The following TIMP2 variants were observed in gnomAD, a reference collection of about 807,000 sequenced individuals.
TIMP2 encodes TIMP metallopeptidase inhibitor 2, also known as metalloproteinase inhibitor 2.
Under a neutral mutation model 24.3 loss-of-function variants are expected in TIMP2, and 5 were observed. The ratio of observed to expected loss-of-function variants is 0.21; its 90% confidence interval spans 0.11 to 0.43. TIMP2 has a LOEUF of 0.43. TIMP2 is among the 20% of genes least tolerant of loss of function. TIMP2 has a pLI of 1.00. For synonymous variants in TIMP2, 130 were observed against 123.2 expected (o/e 1.06, Z -0.37); for missense variants, 221 against 297.5 (o/e 0.74, Z 1.89).
intron 1 of TIMP2, chr17:78,904,147 G>A (rs6501260): frequency 0.089 from 11,241 of 126,780 alleles, 485 homozygotes; most frequent in Middle Eastern, 0.14. Flanking sequence ...GGCTAGGCGG[G>A]TCTTGAACTC....
At chr17:78,858,089 A>G (rs962639017) in intron 3 of TIMP2, among the ~76,000 whole-genome samples, 2 of 150,788 alleles carry the variant, frequency 1.3e-5, no homozygotes, top group South Asian at 2.1e-4. Context: ...TAAAAAGTGG[A>G]AAAAAAAAGA....
chr17:78,911,271 T>C (rs6501266), intron 1 of TIMP2, among the ~76,000 whole-genome samples: 85,758 of 151,900 alleles, frequency 0.56, 24,815 homozygotes, highest in African/African-American at 0.7. Context: ...AAGGGGAAGC[T>C]GGTCTTCCTG....
At chr17:78,875,764 C>G (rs2069722533) in intron 1 of TIMP2, among the ~76,000 whole-genome samples, 1 of 152,076 alleles carries the variant, frequency 6.6e-6, no homozygotes, top group South Asian at 2.1e-4. Context: ...TCTCTTAGAA[C>G]CCCTTAGGCA....
chr17:78,873,579 C>T (rs954517996), intron 2 of TIMP2, among the ~76,000 whole-genome samples: 7 of 152,214 alleles, frequency 4.6e-5, no homozygotes, highest in Non-Finnish European at 8.8e-5. Context: ...AGGTGTGAGC[C>T]GCAACGCCCG....
Position 78,925,092 on chromosome 17 carries a change from G to T in TIMP2, c.-4C>A. ...GGGTGCGGGCCGCGGCGCCCATGGC[G>T]GGCCGGGGGGCTGGGCGGGCGGGGG... On this transcript the variant is annotated 5_prime_UTR_variant, in exon 1 of 5. Coordinates refer to ENST00000262768, the MANE Select transcript of TIMP2 (RefSeq NM_003255.5). 1.0e-6 allele frequency: 1 copy of T among 998,164 alleles called. No homozygotes were observed. The highest frequency in any genetic ancestry group is 1.2e-6 in the Non-Finnish European group (1 of 837,372). 61.8% of individuals were successfully genotyped at this position (998,164 alleles called of 1,614,324 possible).
At chr17:78,885,286 G>A (rs1299835889) in intron 1 of TIMP2, among the ~76,000 whole-genome samples, 1 of 152,244 alleles carries the variant, frequency 6.6e-6, no homozygotes, top group African/African-American at 2.4e-5. Flanking sequence ...CCAAGGGTGG[G>A]GGCAGAAGCA....
At chr17:78,856,031 G>T (rs917690758) in intron 4 of TIMP2, 167 bp from the exon 5 acceptor site, 19 of 684,210 alleles carry the variant, frequency 2.8e-5, no homozygotes, top group Non-Finnish European at 4.0e-5. Context: ...CAGCTGGCCT[G>T]CGAGGGGGTC....
chr17:78,865,484 C>T (rs754099198), intron 3 of TIMP2, among the ~76,000 whole-genome samples: 4 of 151,986 alleles, frequency 2.6e-5, no homozygotes, highest in Non-Finnish European at 5.9e-5. Flanking sequence ...ATTAGCCAGG[C>T]GTGGTGGCAC....
Position 78,855,754 on chromosome 17 carries a change from G to A in TIMP2, c.576C>T (p.Ala192=), listed in dbSNP as rs2069520151. The change falls in exon 5 of 5, where the codon GCC becomes GCT. Residue 192 remains alanine (A), a synonymous_variant. Coordinates refer to ENST00000262768, the MANE Select transcript of TIMP2 (RefSeq NM_003255.5). This position sits in a 1 kb window ranked among gnomAD's most constrained non-coding sequence, Gnocchi z 6.0. ...NINGHQAKFF[A]CIKRSDGSCA... ...AGGAGCCGTCACTTCTCTTGATGCA[G>A]GCGAAGAACTTGGCCTGGTGCCCGT... The A allele has an allele frequency of 1.2e-6, 2 of 1,614,104 alleles. No homozygotes were observed.
rs575777811 is a variant in TIMP2 at position 78,871,804 on chromosome 17, C to T, written c.232-798G>A. Among the ~76,000 whole-genome samples the T allele has an allele frequency of 1.4e-3, 217 of 151,238 alleles. 5 individuals are homozygous for T. Among genetic ancestry groups the T allele is most frequent in the Non-Finnish European group, 1.5e-3 (103 of 67,846 alleles). ...GAGCTTGCAGTGAGCCATGATCGTGCCACTGCGCTCCAGCCTGGGAGACAG... is the reference window on the plus strand; with the variant it reads ...GAGCTTGCAGTGAGCCATGATCGTGTCACTGCGCTCCAGCCTGGGAGACAG... On this transcript the variant is annotated intron_variant, in intron 2 of 4. Transcript: ENST00000262768.
In TIMP2 at chr17:78,909,913, C is replaced by T. The variant is rs761290695; in HGVS notation, c.130+15046G>A. On this transcript the variant is annotated intron_variant, in intron 1 of 4. Coordinates refer to ENST00000262768, the MANE Select transcript of TIMP2 (RefSeq NM_003255.5). ...CACAGAAAAGGCAGAGTCACACAAC[C>T]GGAGGCGGAGTGTCCGTCTAGTACT... Among the ~76,000 whole-genome samples, 6 of 152,226 alleles carry T rather than the reference C, an allele frequency of 3.9e-5. No homozygotes were observed. The South Asian group carries it at 6.2e-4, about 16-fold the overall frequency.
intron 1 of TIMP2, among the ~76,000 whole-genome samples, chr17:78,909,333 C>T (rs1203350104): frequency 2.0e-5 from 3 of 151,220 alleles, no homozygotes; most frequent in Non-Finnish European, 2.9e-5. Context: ...CCAGCCTGGG[C>T]GACAGAGCAA....
chr17:78,891,281 C>T lies in TIMP2; in HGVS notation c.131-17362G>A. ...CTGCTGCGCCTCCTCCTCTGCTGGG[C>T]TCCTGGGTTCCCCGGCAGGCAGCAT... is the stretch of plus-strand genomic sequence containing the variant. On this transcript the variant is annotated intron_variant, in intron 1 of 4. Coordinates refer to ENST00000262768, the MANE Select transcript of TIMP2 (RefSeq NM_003255.5). This position sits in a 1 kb window ranked among gnomAD's most constrained non-coding sequence, Gnocchi z 4.5. The T allele has an allele frequency of 1.9e-6, 3 of 1,550,620 alleles. No individual in the cohort carries two copies. Among genetic ancestry groups the T allele is most frequent in the East Asian group, 2.4e-5 (1 of 40,926 alleles).
chr17:78,915,349 GA>G (rs1294368055), intron 1 of TIMP2, among the ~76,000 whole-genome samples: 2 of 152,134 alleles, frequency 1.3e-5, no homozygotes, highest in African/African-American at 4.8e-5. Flanking sequence ...CAAACCTCAT[GA>G]ACAAGGCCAG....
At chr17:78,877,539 ACTCCGTCTTTT>A (rs2069738332) in intron 1 of TIMP2, among the ~76,000 whole-genome samples, 1 of 131,164 alleles carries the variant, frequency 7.6e-6, no homozygotes, top group Admixed American at 8.3e-5. Context: ...ACAGAGTGAG[ACTCCGTCTTTT>A]AAAAAAAGAA....
chr17:78,870,809 C>T (rs893881728), intron 3 of TIMP2, 89 bp downstream of exon 3: 55 of 1,160,000 alleles, frequency 4.7e-5, no homozygotes, highest in Non-Finnish European at 5.7e-5. Context: ...CTCCCCACCC[C>T]CCGAGCCTGG....
chr17:78,859,546 C>T (rs1343494425), intron 3 of TIMP2, among the ~76,000 whole-genome samples: 1 of 151,912 alleles, frequency 6.6e-6, no homozygotes, highest in African/African-American at 2.4e-5. Context: ...GCCTGTAATC[C>T]CAGCTACTCA....
Position 78,874,744 on chromosome 17 carries a change from A to ATT in TIMP2, c.131-827_131-826dup, listed in dbSNP as rs36077675. Among the ~76,000 whole-genome samples, 354 of 138,164 alleles carry ATT rather than the reference A, an allele frequency of 2.6e-3. 2 individuals are homozygous for ATT. The highest frequency in any genetic ancestry group is 7.5e-3 in the African/African-American group (281 of 37,256). 90.6% of individuals were successfully genotyped at this position (138,164 alleles called of 152,430 possible). A position where few individuals can be genotyped will look rare whatever the true frequency, so the allele number is the denominator to read the frequency against. On this transcript the variant is annotated intron_variant, in intron 1 of 4. Transcript: ENST00000262768. Reference sequence around the variant, plus strand: ...AGGCGTCTGTCACCACGCCCGGTTAATTTTTTTTTTTTTTCAGACGGAGTC... The same window carrying ATT: ...AGGCGTCTGTCACCACGCCCGGTTAATTTTTTTTTTTTTTTTCAGACGGAGTC...
chr17:78,871,527 T>C (rs113555220), intron 2 of TIMP2, among the ~76,000 whole-genome samples: 283 of 150,852 alleles, frequency 1.9e-3, no homozygotes, highest in African/African-American at 6.0e-3. Context: ...CAACTTTTAG[T>C]GTGGCAGATC....
Sources: gnomAD v4.1 joint callset for allele counts (sites outside exome capture counted in the v4.1 genomes callset) on GRCh38, gnomAD v4.1.1 for gene constraint, Gnocchi (gnomAD v3.1) non-coding constraint, MANE v1.5 for transcripts, NCBI Gene and HGNC (gene_info 2026-07-23, HGNC 2026-07-21) for gene names.